The following IL21R variants were observed in gnomAD, a reference collection of about 807,000 sequenced individuals.
IL21R encodes interleukin 21 receptor, also known as interleukin-21 receptor.
Under a neutral mutation model 41.3 loss-of-function variants are expected in IL21R, and 14 were observed. The observed-to-expected ratio is 0.34, with a 90% CI of 0.22 to 0.53. IL21R has a LOEUF of 0.53. Ranked by LOEUF, IL21R falls within the 20% of genes least tolerant of loss-of-function variation. The pLI is 0.94. For missense variants in IL21R, 588 were observed against 681.6 expected (o/e 0.86, Z 1.53); for synonymous variants, 286 against 287.6 (o/e 0.99, Z 0.05).
chr16:27,448,981 G>C lies in IL21R; in HGVS notation c.1315G>C (p.Gly439Arg). ...TGTCTCAGCTGGCAGCCCTGGGCTA[G>C]GAGGGCCCCTGGGAAGCCTCCTGGA... ...GCVSAGSPGLGGPLGSLLDRL... is the reference protein window; with the variant it reads ...GCVSAGSPGLRGPLGSLLDRL... The change falls in exon 9 of 9, where the codon GGA becomes CGA. Residue 439 changes from glycine (G) to arginine (R), a missense_variant. Transcript: ENST00000337929. 6.2e-7 allele frequency: 1 copy of C among 1,612,970 alleles called. No homozygotes were observed. The highest frequency in any genetic ancestry group is 8.5e-7 in the Non-Finnish European group (1 of 1,179,878).
chr16:27,424,313 A>G (rs2087042551), intron 1 of IL21R, among the ~76,000 whole-genome samples: 1 of 152,142 alleles, frequency 6.6e-6, no homozygotes, highest in Non-Finnish European at 1.5e-5. Flanking sequence ...ACCTCAGGTG[A>G]TCCACCCACC....
At position 27,442,972 on chromosome 16, in the gene IL21R, T is replaced by C; in HGVS notation, c.363T>C (p.Ala121=). ...GGTTTTTCCACCAAGTCAAGCCGGC[T>C]CCCCCTTTCAACGTGACTGTGACCT... ...SFLLAESIKP[A]PPFNVTVTFS... is the part of the protein sequence containing the mutation. Residue 121 remains alanine, a synonymous_variant, in exon 5 of 9, where the codon GCT becomes GCC. Coordinates refer to ENST00000337929, the MANE Select transcript of IL21R (RefSeq NM_181078.3). The C allele has an allele frequency of 6.3e-7, 1 of 1,582,828 alleles. No homozygotes were observed. The highest frequency in any genetic ancestry group is 8.6e-7 in the Non-Finnish European group (1 of 1,164,634).
At position 27,437,612 on chromosome 16, in the gene IL21R, A is replaced by G. The variant is rs1383600987; in HGVS notation, c.277A>G (p.Ile93Val). 2 of 1,614,064 alleles carry G rather than the reference A, an allele frequency of 1.2e-6. No individual in the cohort carries two copies. Among genetic ancestry groups the G allele is most frequent in the East Asian group, 4.5e-5 (2 of 44,892 alleles). ...TGTATTCCACTTCATGGCCGACGAC[A>G]TTTTCAGTGTCAACATCACAGACCA... is the stretch of plus-strand genomic sequence containing the variant. The part of the protein sequence containing the change: ...MDVFHFMADD[I>V]FSVNITDQSG... Residue 93 changes from isoleucine (I) to valine (V), a missense_variant, in exon 4 of 9, where the codon ATT becomes GTT. Ile to Val is a conservative substitution (Grantham distance 29). Transcript: ENST00000337929.
chr16:27,420,456 T>G (rs1016157820), intron 1 of IL21R, among the ~76,000 whole-genome samples: 2 of 152,212 alleles, frequency 1.3e-5, no homozygotes, highest in African/African-American at 4.8e-5. Context: ...ATTCTCACCC[T>G]CCGCCCCCTC....
At chr16:27,447,292 C>T (rs994079068) in intron 8 of IL21R, among the ~76,000 whole-genome samples, 11 of 152,142 alleles carry the variant, frequency 7.2e-5, no homozygotes, top group East Asian at 5.8e-4. Flanking sequence ...ATCCTCACGA[C>T]GGCCCTACGG....
At chr16:27,432,811 C>G (rs1207032720) in intron 2 of IL21R, among the ~76,000 whole-genome samples, 1 of 152,198 alleles carries the variant, frequency 6.6e-6, no homozygotes. Flanking sequence ...GTAGCCACTG[C>G]CTCGAGAGAA....
At position 27,445,991 on chromosome 16, in the gene IL21R, C is replaced by G; in HGVS notation, c.786-16C>G. 6.2e-7 allele frequency: 1 copy of G among 1,606,634 alleles called. No individual in the cohort carries two copies. The highest frequency in any genetic ancestry group is 1.7e-5 in the Admixed American group (1 of 59,192). ...TCTGGTGATGTCAGGGTCCTCACCC[C>G]TCTCTGCCCCCTCAGGCTATGGAAG... On this transcript the variant is annotated splice_polypyrimidine_tract_variant and intron_variant, in intron 7 of 8. Transcript: ENST00000337929.
At chr16:27,403,756 A>C (rs2086697971) in intron 1 of IL21R, among the ~76,000 whole-genome samples, 1 of 152,160 alleles carries the variant, frequency 6.6e-6, no homozygotes, top group Non-Finnish European at 1.5e-5. Flanking sequence ...GCCCGACTCC[A>C]AGAGTGACAG....
intron 5 of IL21R, among the ~76,000 whole-genome samples, chr16:27,443,486 A>G (rs900711783): frequency 1.1e-4 from 17 of 152,026 alleles, no homozygotes; most frequent in Non-Finnish European, 2.9e-5. Flanking sequence ...AGAAATATCA[A>G]TTATTAAGAA....
chr16:27,448,475 A>G (rs2141318195), intron 8 of IL21R, 59 bp from the exon 9 acceptor site: 1 of 1,498,258 alleles, frequency 6.7e-7, no homozygotes, highest in Non-Finnish European at 8.9e-7. Flanking sequence ...GTAAAAGAAA[A>G]ATAAACCCTC....
Position 27,409,602 on chromosome 16 carries a change from C to A in IL21R, c.-17+6984C>A, listed in dbSNP as rs577179102. 4.4e-5 allele frequency among the ~76,000 whole-genome samples: 4 copies of A among 90,930 alleles called. No homozygotes were observed. In the South Asian group the frequency reaches 1.3e-3, roughly 30 times the overall value. The allele number at this position is 90,930 out of a possible 152,430, so 59.7% of individuals were successfully genotyped here. On this transcript the variant is annotated intron_variant, in intron 1 of 8. Coordinates refer to ENST00000337929, the MANE Select transcript of IL21R (RefSeq NM_181078.3). ...TCCATATGAATATTCAATTAATATA[C>A]CATCATTTAAGAAAACATGTTTTCT...
chr16:27,423,717 C>A (rs8061992), intron 1 of IL21R, among the ~76,000 whole-genome samples: 54,111 of 151,986 alleles, frequency 0.36, 9,962 homozygotes, highest in East Asian at 0.51. Flanking sequence ...CATGTTTACA[C>A]TGAGTGACAG....
At position 27,437,542 on chromosome 16, in the gene IL21R, G is replaced by T. The variant is rs1205744042; in HGVS notation, c.207G>T (p.Arg69Ser). ...AGGCCACCTCCTGCAGCCTCCACAG[G>T]TCGGCCCACAATGCCACGCATGCCA... Reference protein sequence around the residue: ...KDEATSCSLHRSAHNATHATY... With the variant: ...KDEATSCSLHSSAHNATHATY... Residue 69 changes from arginine to serine, a missense_variant, in exon 4 of 9, where the codon AGG becomes AGT. Coordinates refer to ENST00000337929, the MANE Select transcript of IL21R (RefSeq NM_181078.3). 1.2e-6 allele frequency: 2 copies of T among 1,614,174 alleles called. No individual in the cohort carries two copies. The highest frequency in any genetic ancestry group is 2.2e-5 in the East Asian group (1 of 44,880).
chr16:27,422,224 T>C (rs2087010548), intron 1 of IL21R, among the ~76,000 whole-genome samples: 1 of 152,080 alleles, frequency 6.6e-6, no homozygotes, highest in African/African-American at 2.4e-5. Context: ...TTGTCTTTTA[T>C]TTTTTAAAAT....
chr16:27,444,230 T>C (rs898047613), intron 5 of IL21R, among the ~76,000 whole-genome samples: 3 of 151,936 alleles, frequency 2.0e-5, no homozygotes, highest in African/African-American at 7.2e-5. Context: ...CCTGGAATGC[T>C]GCCAGACCAT....
rs1326089251 is a variant in IL21R, at chr16:27,450,360, A to G, written c.*1077A>G. The G allele has an allele frequency of 8.6e-6, 2 of 231,298 alleles. No homozygotes were observed. The highest frequency in any genetic ancestry group is 1.7e-5 in the Non-Finnish European group (2 of 116,896). The allele number at this position is 231,298 out of a possible 1,614,324, so 14.3% of individuals were successfully genotyped here. On this transcript the variant is annotated 3_prime_UTR_variant, in exon 9 of 9. Coordinates refer to ENST00000337929, the MANE Select transcript of IL21R (RefSeq NM_181078.3). Reference sequence around the variant, plus strand: ...ATGGGACCCACCCCCCGTGGCACTCATGGAGGGGGCTGCAGGTTGGAACTA... The same window carrying G: ...ATGGGACCCACCCCCCGTGGCACTCGTGGAGGGGGCTGCAGGTTGGAACTA...
chr16:27,427,326 C>T (rs1268201805), intron 1 of IL21R: 1 of 985,368 alleles, frequency 1.0e-6, no homozygotes, highest in Non-Finnish European at 1.2e-6. Flanking sequence ...GCAGGTACCC[C>T]CTCCACATCC....
chr16:27,422,806 A>G (rs1288022728), intron 1 of IL21R, among the ~76,000 whole-genome samples: 1 of 152,174 alleles, frequency 6.6e-6, no homozygotes, highest in East Asian at 1.9e-4. Flanking sequence ...ATTTTAACTG[A>G]AAGTTGGACA....
intron 1 of IL21R, among the ~76,000 whole-genome samples, chr16:27,409,226 AAT>A (rs1266139470): frequency 8.2e-5 from 12 of 147,128 alleles, no homozygotes; most frequent in African/African-American, 1.5e-4. Context: ...ATATTTTATA[AAT>A]ATATATAATA....
Sources: allele counts gnomAD v4.1 joint callset (sites outside exome capture counted in the v4.1 genomes callset), GRCh38; gene constraint gnomAD v4.1.1; transcripts MANE v1.5; gene names NCBI Gene and HGNC (gene_info 2026-07-23, HGNC 2026-07-21).